The following CCDC178 variants were observed in gnomAD, a reference collection of about 807,000 sequenced individuals.
The protein encoded by CCDC178 is coiled-coil domain containing 178.
CCDC178 carries 126 observed loss-of-function variants against 117.4 expected under a neutral mutation model. The observed-to-expected ratio is 1.07, with a 90% CI of 0.93 to 1.24. The LOEUF (loss-of-function observed/expected upper bound fraction) is 1.24. CCDC178 is among the 50% of genes most tolerant of loss of function. CCDC178 has a pLI of 0.00. For synonymous variants in CCDC178, 283 were observed against 313.4 expected (o/e 0.90, Z 1.02); for missense variants, 1,030 against 986.9 (o/e 1.04, Z -0.59).
chr18:33,078,942 A>G (rs909555336), intron 21 of CCDC178, among the ~76,000 whole-genome samples: 4 of 152,154 alleles, frequency 2.6e-5, no homozygotes, highest in African/African-American at 9.7e-5. Context: ...TAAAATTAAT[A>G]TGAAACAAAA....
intron 20 of CCDC178, among the ~76,000 whole-genome samples, chr18:33,137,540 C>T (rs1274219050): frequency 6.6e-6 from 1 of 152,154 alleles, no homozygotes; most frequent in East Asian, 1.9e-4. Context: ...TCAAAGCCTT[C>T]CCAGGTTTTA....
At chr18:33,171,227 A>G (rs1568032052) in intron 20 of CCDC178, among the ~76,000 whole-genome samples, 1 of 152,214 alleles carries the variant, frequency 6.6e-6, no homozygotes, top group Non-Finnish European at 1.5e-5. Context: ...AAGCCTACAT[A>G]TCCTAGCAGA....
At chr18:33,149,441 A>C (rs535382405) in intron 20 of CCDC178, among the ~76,000 whole-genome samples, 1 of 152,326 alleles carries the variant, frequency 6.6e-6, no homozygotes, top group East Asian at 1.9e-4. Flanking sequence ...TTTTCAAAAG[A>C]AACTCTGAAG....
intron 21 of CCDC178, chr18:32,983,307 T>C: frequency 6.5e-7 from 1 of 1,530,880 alleles, no homozygotes. Flanking sequence ...TCATCTGATA[T>C]AATTGGCAGA....
rs551902642 is a variant in CCDC178, at chr18:33,122,933, C to T, written c.2239-30023G>A. Among the ~76,000 whole-genome samples, 113 of 152,226 alleles carry T rather than the reference C, an allele frequency of 7.4e-4. 1 individual carries two copies. The highest frequency in any genetic ancestry group is 2.6e-3 in the African/African-American group (110 of 41,568). On this transcript the variant is annotated intron_variant, in intron 20 of 22. Coordinates refer to ENST00000383096, the MANE Select transcript of CCDC178 (RefSeq NM_001105528.4). ...TCATAGGTACCGGCTACAGAAATAG[C>T]TCCCATTTTATGTTAACTGGAACAA...
chr18:33,245,447 A>T lies in CCDC178; in HGVS notation c.1410-19T>A. ...CCGTATGCTGTAAAAGTAAAGCAAAAATTAATATTATTGAGTATATAGTGA... is the reference window on the plus strand; with the variant it reads ...CCGTATGCTGTAAAAGTAAAGCAAATATTAATATTATTGAGTATATAGTGA... On this transcript the variant is annotated intron_variant, in intron 14 of 22. Transcript: ENST00000383096. 6.7e-7 allele frequency: 1 copy of T among 1,484,902 alleles called. No homozygotes were observed. The highest frequency in any genetic ancestry group is 9.0e-7 in the Non-Finnish European group (1 of 1,111,844). The allele number at this position is 1,484,902 out of a possible 1,614,324, so 92.0% of individuals were successfully genotyped here.
chr18:33,433,488 G>A (rs996966213), intron 2 of CCDC178, among the ~76,000 whole-genome samples: 1 of 152,038 alleles, frequency 6.6e-6, no homozygotes, highest in Non-Finnish European at 1.5e-5. Context: ...GTAATACACT[G>A]TTGCCCTGCC....
At chr18:32,951,402 T>C (rs1397196652) in intron 22 of CCDC178, among the ~76,000 whole-genome samples, 2 of 152,176 alleles carry the variant, frequency 1.3e-5, no homozygotes, top group African/African-American at 2.4e-5. Flanking sequence ...CTTACAATCA[T>C]GGTGGAAGGC....
intron 21 of CCDC178, among the ~76,000 whole-genome samples, chr18:33,004,099 C>A (rs2055700797): frequency 6.6e-6 from 1 of 151,940 alleles, no homozygotes; most frequent in African/African-American, 2.4e-5. Context: ...TTTGTACTAC[C>A]CATAGCAACC....
At chr18:33,120,077 C>T (rs2057916444) in intron 20 of CCDC178, among the ~76,000 whole-genome samples, 1 of 151,994 alleles carries the variant, frequency 6.6e-6, no homozygotes, top group South Asian at 2.1e-4. Flanking sequence ...GGAGATATAC[C>T]TAATGTAAAT....
intron 21 of CCDC178, among the ~76,000 whole-genome samples, chr18:33,048,377 A>T (rs2056684453): frequency 6.6e-6 from 1 of 152,214 alleles, no homozygotes; most frequent in African/African-American, 2.4e-5. Flanking sequence ...GTAACTTGTG[A>T]TAACTATATT....
chr18:33,256,332 A>G (rs528292039), intron 14 of CCDC178, among the ~76,000 whole-genome samples: 4 of 152,220 alleles, frequency 2.6e-5, no homozygotes, highest in African/African-American at 7.2e-5. Flanking sequence ...AATGGAAGTG[A>G]TACGAGTAAA....
At chr18:33,401,099 CAT>C (rs1216202868) in intron 3 of CCDC178, among the ~76,000 whole-genome samples, 2 of 152,234 alleles carry the variant, frequency 1.3e-5, no homozygotes, top group Non-Finnish European at 2.9e-5. Context: ...AGTTAGCTGT[CAT>C]ATGTGTGTAG....
intron 20 of CCDC178, among the ~76,000 whole-genome samples, chr18:33,123,875 C>A (rs1266714410): frequency 6.6e-6 from 1 of 152,106 alleles, no homozygotes; most frequent in Non-Finnish European, 1.5e-5. Flanking sequence ...AAAAACTGTC[C>A]ATTTGCCTGT....
intron 14 of CCDC178, among the ~76,000 whole-genome samples, chr18:33,258,656 T>A (rs1379163773): frequency 6.6e-6 from 1 of 152,188 alleles, no homozygotes; most frequent in Non-Finnish European, 1.5e-5. Context: ...TCAAACAGTG[T>A]CAGACACAAA....
Position 33,245,324 on chromosome 18 carries a change from A to G in CCDC178, c.1514T>C (p.Ile505Thr), listed in dbSNP as rs1305069498. 1.9e-6 allele frequency: 3 copies of G among 1,609,756 alleles called. No individual in the cohort carries two copies. Among genetic ancestry groups the G allele is most frequent in the Non-Finnish European group, 8.5e-7 (1 of 1,177,958 alleles). The change falls in exon 15 of 23, where the codon ATT becomes ACT. Residue 505 changes from isoleucine to threonine, a missense_variant. By Grantham distance (89) the Ile-to-Thr change is moderately conservative. Coordinates refer to ENST00000383096, the MANE Select transcript of CCDC178 (RefSeq NM_001105528.4). ...LKNIYKEAYR[I>T]GTLFHLTKHK... ...TTTGGTTAGGTGGAAAAGAGTACCA[A>G]TGCGATAAGCCTCCTTATAGATGTT...
chr18:33,342,326 A>G (rs2062827300), intron 9 of CCDC178, among the ~76,000 whole-genome samples: 1 of 152,266 alleles, frequency 6.6e-6, no homozygotes, highest in Admixed American at 6.5e-5. Context: ...AAACCATAGA[A>G]TATCAGGAAT....
intron 15 of CCDC178, 36 bp downstream of exon 15, chr18:33,245,209 T>C (rs780790229): frequency 1.9e-5 from 28 of 1,463,436 alleles, no homozygotes; most frequent in Non-Finnish European, 2.5e-5. Context: ...TACTCTTTTT[T>C]TCATCATGAG....
intron 20 of CCDC178, among the ~76,000 whole-genome samples, chr18:33,114,500 T>C (rs1010999792): frequency 2.6e-5 from 4 of 152,050 alleles, no homozygotes; most frequent in African/African-American, 9.7e-5. Context: ...TAACAGTTAT[T>C]ACTCTATTAC....
Sources: allele counts gnomAD v4.1 joint callset (sites outside exome capture counted in the v4.1 genomes callset), GRCh38; gene constraint gnomAD v4.1.1; transcripts MANE v1.5; gene names NCBI Gene and HGNC (gene_info 2026-07-23, HGNC 2026-07-21).